The following ECPAS variants were observed in gnomAD, a reference collection of about 807,000 sequenced individuals.
ECPAS encodes the protein Ecm29 proteasome adaptor and scaffold.
A neutral mutation model predicts 255.1 loss-of-function variants in ECPAS; 70 were observed. The ratio of observed to expected loss-of-function variants is 0.27; its 90% CI spans 0.23 to 0.33. The LOEUF is 0.33. Ranked by LOEUF, ECPAS falls within the 10% of genes least tolerant of loss-of-function variation. The pLI is 1.00. For missense variants in ECPAS, 1,817 were observed against 2,206.4 expected (o/e 0.82, Z 3.54); for synonymous variants, 784 against 775.0 (o/e 1.01, Z -0.19).
intron 2 of ECPAS, among the ~76,000 whole-genome samples, chr9:111,470,894 C>A (rs1346493027): frequency 6.6e-6 from 1 of 152,114 alleles, no homozygotes. Context: ...ACACTGAGGT[C>A]CACAAGGCCC....
intron 29 of ECPAS, 115 bp downstream of exon 29, chr9:111,391,641 G>A: frequency 6.3e-6 from 4 of 639,072 alleles, no homozygotes; most frequent in Non-Finnish European, 1.1e-5. Flanking sequence ...TCCACCAATA[G>A]ATAACATTTC....
Position 111,369,521 on chromosome 9 carries a change from G to A in ECPAS, c.4975-348C>T, listed in dbSNP as rs186461100. On this transcript the variant is annotated intron_variant, in intron 45 of 49. Coordinates refer to ENST00000684092, the MANE Select transcript of ECPAS (RefSeq NM_001364929.1). The stretch of plus-strand genomic sequence containing the variant: ...CAAACTCTTTCTTGATAGAGAAACA[G>A]AGGCTAAGAGAAGCAACTGGTCCAG... Among the ~76,000 whole-genome samples, 8 of 152,302 alleles carry A rather than the reference G, an allele frequency of 5.3e-5. No individual in the cohort carries two copies. In the East Asian group the frequency reaches 1.5e-3, roughly 29 times the overall value.
rs959812906 is a variant in ECPAS at position 111,411,725 on chromosome 9, G to A, written c.2214+289C>T. Reference sequence around the variant, plus strand: ...ATCAGATGAGATTAGGTGTGTTCACGGTGGTACGGCTGCAGGCTCTGAGCA... The same window carrying A: ...ATCAGATGAGATTAGGTGTGTTCACAGTGGTACGGCTGCAGGCTCTGAGCA... On this transcript the variant is annotated intron_variant, in intron 21 of 49. Coordinates refer to ENST00000684092, the MANE Select transcript of ECPAS (RefSeq NM_001364929.1). The A allele has an allele frequency of 5.4e-5, 15 of 279,580 alleles. No individual in the cohort carries two copies. The East Asian group carries it at 5.4e-4, about 10-fold the overall frequency. The allele number at this position is 279,580 out of a possible 1,614,324, so 17.3% of individuals were successfully genotyped here.
intron 11 of ECPAS, 87 bp from the exon 12 acceptor site, chr9:111,425,583 C>T: frequency 1.8e-6 from 2 of 1,090,292 alleles, no homozygotes; most frequent in South Asian, 1.7e-5. Context: ...TAATGAGAGA[C>T]ATAACCGAAA....
At chr9:111,482,015 G>A (rs533480392) in intron 1 of ECPAS, among the ~76,000 whole-genome samples, 2 of 152,332 alleles carry the variant, frequency 1.3e-5, no homozygotes, top group South Asian at 4.1e-4. Context: ...TCTGGAAATG[G>A]ATGGTGGTGA....
In ECPAS at chr9:111,372,435, C is replaced by A; in HGVS notation, c.4522G>T (p.Val1508Leu). 8 of 1,613,370 alleles carry A rather than the reference C, an allele frequency of 5.0e-6. No individual in the cohort carries two copies. The highest frequency in any genetic ancestry group is 5.9e-6 in the Non-Finnish European group (7 of 1,179,490). ...CTCAGGCCACACTACTAACCAGGTA[C>A]GTTTTCCTGCCACACTTCGGTCCAT... ...NLWTEVWQENVPGSFGGIRLY... is the reference protein window; with the variant it reads ...NLWTEVWQENLPGSFGGIRLY... Residue 1508 changes from valine to leucine, a missense_variant, in exon 42 of 50, where the codon GTA becomes TTA. This residue lies in a region of ECPAS where 960 missense variants were observed against 1,179.0 expected (regional missense o/e 0.81). Coordinates refer to ENST00000684092, the MANE Select transcript of ECPAS (RefSeq NM_001364929.1).
chr9:111,440,256 TA>T (rs2098243974), intron 6 of ECPAS, 115 bp downstream of exon 6: 4 of 898,778 alleles, frequency 4.5e-6, no homozygotes, highest in Admixed American at 3.0e-5. Context: ...TTTGTAAACG[TA>T]AATGGATGTT....
intron 23 of ECPAS, among the ~76,000 whole-genome samples, chr9:111,408,955 T>C (rs943961920): frequency 6.6e-6 from 1 of 152,172 alleles, no homozygotes; most frequent in Non-Finnish European, 1.5e-5. Flanking sequence ...AAAATGTGGG[T>C]TCTGGGCCCA....
chr9:111,378,482 TG>T, intron 36 of ECPAS, 97 bp downstream of exon 36: 1 of 1,262,862 alleles, frequency 7.9e-7, no homozygotes, highest in Non-Finnish European at 1.1e-6. Flanking sequence ...GGGTGAGTTC[TG>T]GTAACAGTAG....
In ECPAS at chr9:111,386,403, G is replaced by A; in HGVS notation, c.3501C>T (p.Ser1167=). ...ILQDLVKNLT[S]NMWRVRESSC... is the part of the protein sequence containing the mutation. ...TGGATTCTCGAACTCGCCACATATT[G>A]CTTGTAAGGTTCTTAACCAAATCTT... Residue 1167 remains serine, a synonymous_variant, in exon 32 of 50, where the codon AGC becomes AGT. Coordinates refer to ENST00000684092, the MANE Select transcript of ECPAS (RefSeq NM_001364929.1). 1 of 1,602,596 alleles carries A rather than the reference G, an allele frequency of 6.2e-7. No individual in the cohort carries two copies. The highest frequency in any genetic ancestry group is 8.5e-7 in the Non-Finnish European group (1 of 1,170,802).
At chr9:111,405,144 CA>C (rs974893353) in intron 24 of ECPAS, among the ~76,000 whole-genome samples, 4 of 149,616 alleles carry the variant, frequency 2.7e-5, no homozygotes, top group South Asian at 2.1e-4. Context: ...AGAGGCATTG[CA>C]TTACCTGACT....
chr9:111,483,527 G>A (rs1433797492), intron 1 of ECPAS: 18 of 978,794 alleles, frequency 1.8e-5, no homozygotes, highest in Non-Finnish European at 2.1e-5. Flanking sequence ...GGAGGCGGAG[G>A]CGGCGGCCGC....
At chr9:111,442,545 T>G in intron 4 of ECPAS, 121 bp from the exon 5 acceptor site, 1 of 663,640 alleles carries the variant, frequency 1.5e-6, no homozygotes, top group Non-Finnish European at 2.6e-6. Context: ...ACGTGACTCA[T>G]CCTCCCTCCA....
intron 1 of ECPAS, among the ~76,000 whole-genome samples, chr9:111,480,287 C>CTTTTTTTTT (rs1282400347): frequency 8.8e-6 from 1 of 113,680 alleles, no homozygotes; most frequent in African/African-American, 3.4e-5. Flanking sequence ...TTAAAAGCAC[C>CTTTTTTTTT]TTTTCTTTTT....
intron 12 of ECPAS, among the ~76,000 whole-genome samples, chr9:111,424,934 C>T (rs2098219287): frequency 6.6e-6 from 1 of 152,136 alleles, no homozygotes; most frequent in South Asian, 2.1e-4. Flanking sequence ...CTTAGGGAGG[C>T]CGAGGCAGGC....
rs755611790 is a variant in ECPAS at position 111,393,684 on chromosome 9, A to G, written c.2973T>C (p.Asn991=). Residue 991 remains asparagine, a synonymous_variant, in exon 27 of 50, where the codon AAT becomes AAC. Coordinates refer to ENST00000684092, the MANE Select transcript of ECPAS (RefSeq NM_001364929.1). The part of the protein sequence containing the change: ...QSAFVSVLSE[N]DELSQDVASK... ...AATCAAATATTAACAACCTACCATCATTTTCTGATAGAACTGAAACAAATG... is the reference window on the plus strand; with the variant it reads ...AATCAAATATTAACAACCTACCATCGTTTTCTGATAGAACTGAAACAAATG... The G allele has an allele frequency of 6.7e-5, 105 of 1,564,394 alleles. No individual in the cohort carries two copies. Among genetic ancestry groups the G allele is most frequent in the Non-Finnish European group, 9.1e-5 (104 of 1,137,872 alleles).
Position 111,407,093 on chromosome 9 carries a change from A to G in ECPAS, c.2652+1478T>C, listed in dbSNP as rs558740889. ...TAAAAGTAAGTTAAGAATCCAGACG[A>G]GCCTTCATTAAAAAAAAAACAAAAC... On this transcript the variant is annotated intron_variant, in intron 24 of 49. Coordinates refer to ENST00000684092, the MANE Select transcript of ECPAS (RefSeq NM_001364929.1). Among the ~76,000 whole-genome samples, 2 of 146,758 alleles carry G rather than the reference A, an allele frequency of 1.4e-5. 1 individual carries two copies. Among genetic ancestry groups the G allele is most frequent in the African/African-American group, 5.3e-5 (2 of 37,678 alleles).
intron 24 of ECPAS, among the ~76,000 whole-genome samples, chr9:111,407,965 G>A (rs560247175): frequency 6.6e-6 from 1 of 152,200 alleles, no homozygotes; most frequent in South Asian, 2.1e-4. Context: ...ATCTACCCTA[G>A]TATGATGGGT....
chr9:111,370,671 A>G (rs747958234), intron 44 of ECPAS, 44 bp from the exon 45 acceptor site: 1 of 1,605,606 alleles, frequency 6.2e-7, no homozygotes, highest in South Asian at 1.1e-5. Context: ...TAAAGGCTGC[A>G]GTTTTCGGGT....
Sources: allele counts gnomAD v4.1 joint callset (sites outside exome capture counted in the v4.1 genomes callset), GRCh38; gene constraint gnomAD v4.1.1; regional missense constraint gnomAD v4.1.1; transcripts MANE v1.5; gene names NCBI Gene and HGNC (gene_info 2026-07-23, HGNC 2026-07-21).